Variants in ENOX1 observed in about 807,000 individuals in gnomAD.
ENOX1 encodes candidate growth-related and time keeping constitutive hydroquinone (NADH) oxidase.
A neutral mutation model predicts 82.5 loss-of-function variants in ENOX1; 42 were observed. That is an observed-to-expected ratio of 0.51 (90% CI 0.40 to 0.66). The LOEUF (loss-of-function observed/expected upper bound fraction) is 0.66, where lower values mean the gene tolerates loss of function less well. Among genes scored for constraint, ENOX1 ranks in the 30% least tolerant of loss-of-function variants. The pLI is 0.00. For synonymous variants in ENOX1, 271 were observed against 282.2 expected, an observed-to-expected ratio of 0.96 and a Z score of 0.40; for missense variants, 608 against 811.6, an observed-to-expected ratio of 0.75 and a Z score of 3.05.
chr13:43,223,109 G>A (rs776994062), intron 16 of ENOX1, among the ~76,000 whole-genome samples: 1 of 152,190 alleles, frequency 6.6e-6, no homozygotes, highest in Non-Finnish European at 1.5e-5. Flanking sequence ...TTTGATGCAT[G>A]CTAGCCATTG....
intron 2 of ENOX1, among the ~76,000 whole-genome samples, chr13:43,591,826 T>A (rs1040166292): frequency 3.3e-5 from 5 of 152,124 alleles, no homozygotes; most frequent in Admixed American, 1.3e-4. Flanking sequence ...CAAAGGAGTA[T>A]GTGATAATCC....
chr13:43,279,972 C>T (rs1175223256), intron 12 of ENOX1, among the ~76,000 whole-genome samples: 1 of 152,248 alleles, frequency 6.6e-6, no homozygotes, highest in Non-Finnish European at 1.5e-5. Context: ...GTATCAGTGA[C>T]ATTCTCTCCC....
chr13:43,636,956 T>G (rs1258853496), intron 2 of ENOX1, among the ~76,000 whole-genome samples: 1 of 152,202 alleles, frequency 6.6e-6, no homozygotes, highest in South Asian at 2.1e-4. Flanking sequence ...AGTCCTGTCA[T>G]AGCTCACCTT....
rs540933582 is a variant in ENOX1, at chr13:43,282,201, T to A, written c.1447-12624A>T. Among the ~76,000 whole-genome samples the A allele has an allele frequency of 9.2e-5, 14 of 152,304 alleles. No individual in the cohort carries two copies. The East Asian group carries it at 2.7e-3, about 29-fold the overall frequency. ...ATTACATTGATAGATTTTTCAAATG[T>A]TGAACTTACCTTGCATTCCTAGAAT... On this transcript the variant is annotated intron_variant, in intron 12 of 16. Transcript: ENST00000690772.
intron 2 of ENOX1, chr13:43,544,281 T>C (rs1048383256): frequency 1.4e-4 from 22 of 152,234 alleles, no homozygotes; most frequent in African/African-American, 5.1e-4. Context: ...TGCCAGTTTC[T>C]TGGGCTGTAA....
chr13:43,749,806 T>C (rs1022528532), intron 1 of ENOX1, among the ~76,000 whole-genome samples: 1 of 152,230 alleles, frequency 6.6e-6, no homozygotes, highest in Admixed American at 6.5e-5. Flanking sequence ...CTATGAAGCA[T>C]GTAAAAGTAT....
chr13:43,601,499 A>G (rs570474778), intron 2 of ENOX1, among the ~76,000 whole-genome samples: 29 of 152,040 alleles, frequency 1.9e-4, no homozygotes, highest in Non-Finnish European at 3.5e-4. Flanking sequence ...AAGGAGACAA[A>G]AGAAAAAAGA....
intron 2 of ENOX1, among the ~76,000 whole-genome samples, chr13:43,486,467 T>C (rs2076422457): frequency 6.6e-6 from 1 of 152,188 alleles, no homozygotes; most frequent in African/African-American, 2.4e-5. Context: ...TAGGCCCAGT[T>C]TTTATAAAAT....
chr13:43,496,044 T>C (rs939331718), intron 2 of ENOX1, among the ~76,000 whole-genome samples: 3 of 152,196 alleles, frequency 2.0e-5, no homozygotes, highest in African/African-American at 7.2e-5. Flanking sequence ...TGTAAAGCTT[T>C]GTTAAATATT....
chr13:43,456,353 T>C (rs917247923), intron 3 of ENOX1, among the ~76,000 whole-genome samples: 1 of 152,096 alleles, frequency 6.6e-6, no homozygotes, highest in African/African-American at 2.4e-5. Context: ...ATTTCATATA[T>C]ATACATTATA....
intron 1 of ENOX1, among the ~76,000 whole-genome samples, chr13:43,679,664 C>G (rs987591727): frequency 5.3e-5 from 8 of 152,116 alleles, no homozygotes; most frequent in African/African-American, 1.9e-4. Context: ...GTTAAATTAT[C>G]CCTAAGATCC....
Position 43,359,839 on chromosome 13 carries a change from A to G in ENOX1, c.589+12T>C. 6.2e-7 allele frequency: 1 copy of G among 1,611,828 alleles called. No homozygotes were observed. Among genetic ancestry groups the G allele is most frequent in the Non-Finnish European group, 8.5e-7 (1 of 1,177,940 alleles). Reference sequence around the variant, plus strand: ...AAAATGCCTAGAAAACTCCTTATGTAATGCAAAGTACCAGAAAGGTAAATG... The same window carrying G: ...AAAATGCCTAGAAAACTCCTTATGTGATGCAAAGTACCAGAAAGGTAAATG... On this transcript the variant is annotated intron_variant, in intron 7 of 16. Transcript: ENST00000690772.
chr13:43,686,006 T>G (rs148473881), intron 1 of ENOX1, among the ~76,000 whole-genome samples: 1 of 152,136 alleles, frequency 6.6e-6, no homozygotes, highest in Non-Finnish European at 1.5e-5. Flanking sequence ...TATGAGTCCT[T>G]AGGGATAATC....
At chr13:43,756,972 CAA>C (rs1164153402) in intron 1 of ENOX1, among the ~76,000 whole-genome samples, 29 of 28,062 alleles carry the variant, frequency 1.0e-3, no homozygotes, top group South Asian at 6.6e-3. Context: ...AAAACAACAA[CAA>C]AAAAAAAAAA....
At position 43,641,645 on chromosome 13, in the gene ENOX1, C is replaced by T. The variant is rs190877421; in HGVS notation, c.-219+25834G>A. ...CCGCCTCCCAGTTTGACACCATTCTCCTTCAGCCTCCCGAGTAGCTGGGAC... is the reference window on the plus strand; with the variant it reads ...CCGCCTCCCAGTTTGACACCATTCTTCTTCAGCCTCCCGAGTAGCTGGGAC... On this transcript the variant is annotated intron_variant, in intron 2 of 16. Transcript: ENST00000690772. 2.7e-3 allele frequency among the ~76,000 whole-genome samples: 384 copies of T among 140,894 alleles called. 3 individuals are homozygous for T. The highest frequency in any genetic ancestry group is 1.0e-2 in the African/African-American group (374 of 37,526). 92.4% of individuals were successfully genotyped at this position (140,894 alleles called of 152,430 possible). A position where few individuals can be genotyped will look rare whatever the true frequency, so the allele number is the denominator to read the frequency against.
intron 2 of ENOX1, among the ~76,000 whole-genome samples, chr13:43,505,147 C>T (rs918128839): frequency 6.6e-6 from 1 of 151,832 alleles, no homozygotes; most frequent in Non-Finnish European, 1.5e-5. Context: ...TATACTTGTT[C>T]TAGATGCTTC....
intron 2 of ENOX1, among the ~76,000 whole-genome samples, chr13:43,581,156 G>A (rs1593930378): frequency 3.3e-5 from 3 of 90,754 alleles, no homozygotes; most frequent in East Asian, 2.8e-4. Context: ...TTTTTGAGAC[G>A]GAGTCTCACT....
chr13:43,582,849 A>G (rs1566573786), intron 2 of ENOX1, among the ~76,000 whole-genome samples: 1 of 152,234 alleles, frequency 6.6e-6, no homozygotes, highest in Non-Finnish European at 1.5e-5. Flanking sequence ...AATAATTTCA[A>G]AACATGGATA....
intron 1 of ENOX1, among the ~76,000 whole-genome samples, chr13:43,669,607 T>G (rs2085158158): frequency 6.6e-6 from 1 of 152,178 alleles, no homozygotes; most frequent in Non-Finnish European, 1.5e-5. Context: ...TCCTTTCCCT[T>G]TTCTTCACTA....
Sources: allele counts gnomAD v4.1 joint callset (sites outside exome capture counted in the v4.1 genomes callset), GRCh38; gene constraint gnomAD v4.1.1; transcripts MANE v1.5; gene names NCBI Gene and HGNC (gene_info 2026-07-23, HGNC 2026-07-21).